The following MEIS1 variants were observed in gnomAD, a reference collection of about 807,000 sequenced individuals.
MEIS1 encodes homeobox protein Meis1.
In MEIS1, 5 loss-of-function variants were observed where a neutral mutation model predicts 50.8. The ratio of observed to expected loss-of-function variants is 0.10; its 90% CI spans 0.05 to 0.21. The LOEUF (loss-of-function observed/expected upper bound fraction) is 0.21. MEIS1 is among the 10% of genes least tolerant of loss of function. The pLI is 1.00. For synonymous variants in MEIS1, 176 were observed against 179.3 expected (o/e 0.98, Z 0.15); for missense variants, 318 against 517.3 (o/e 0.61, Z 3.74).
chr2:66,456,991 C>T (rs1201230530), intron 6 of MEIS1, among the ~76,000 whole-genome samples: 2 of 152,072 alleles, frequency 1.3e-5, no homozygotes, highest in Non-Finnish European at 2.9e-5. Flanking sequence ...GAATCCACAG[C>T]ACGTGTGCAC....
intron 1 of MEIS1, chr2:66,436,839 A>T: frequency 1.0e-6 from 1 of 972,898 alleles, no homozygotes; most frequent in Non-Finnish European, 1.2e-6. Flanking sequence ...TAAATTTCAC[A>T]CACACAAAAT....
chr2:66,474,422 G>T (rs771545322), intron 7 of MEIS1, among the ~76,000 whole-genome samples: 7 of 152,094 alleles, frequency 4.6e-5, no homozygotes, highest in South Asian at 4.1e-4. Flanking sequence ...GATTCTACCT[G>T]CCCTGGGCTG....
chr2:66,571,138 C>T (rs1364264111), intron 12 of MEIS1, 108 bp from the exon 13 acceptor site: 5 of 1,094,202 alleles, frequency 4.6e-6, no homozygotes, highest in Non-Finnish European at 6.5e-6. Context: ...AACCATGTTC[C>T]CTTAATCACA....
chr2:66,510,605 G>T (rs1016957671), intron 7 of MEIS1, among the ~76,000 whole-genome samples: 10 of 151,970 alleles, frequency 6.6e-5, no homozygotes, highest in African/African-American at 2.4e-4. Context: ...AGCATATTCT[G>T]TAATAATAGT....
intron 6 of MEIS1, among the ~76,000 whole-genome samples, chr2:66,460,287 A>T (rs1019993889): frequency 4.6e-5 from 7 of 152,204 alleles, no homozygotes; most frequent in African/African-American, 1.7e-4. Flanking sequence ...ATTCTCACTC[A>T]TGGAGGAGTC....
At chr2:66,461,768 C>G in intron 6 of MEIS1, 2 of 429,114 alleles carry the variant, frequency 4.7e-6, no homozygotes, top group South Asian at 3.6e-5. Flanking sequence ...AGGCCCAACA[C>G]AATGAAAATG....
rs1672740079 is a variant in MEIS1, at chr2:66,470,502, T to A, written c.742+6282T>A. ...TTTCCTTTTATTGACTCATCAAATG[T>A]GAGTAACAGTGTTCTGGTTTCCACC... On this transcript the variant is annotated intron_variant, in intron 7 of 12. Transcript: ENST00000272369. 2.6e-5 allele frequency among the ~76,000 whole-genome samples: 4 copies of A among 152,306 alleles called. No homozygotes were observed. The South Asian group carries it at 8.3e-4, about 32-fold the overall frequency.
intron 7 of MEIS1, among the ~76,000 whole-genome samples, chr2:66,502,374 T>A (rs775461555): frequency 1.3e-5 from 2 of 152,104 alleles, no homozygotes; most frequent in Non-Finnish European, 2.9e-5. Context: ...AAAAAACAAA[T>A]CCCAATAGGA....
intron 7 of MEIS1, among the ~76,000 whole-genome samples, chr2:66,489,272 C>T (rs1324995622): frequency 2.0e-5 from 3 of 152,156 alleles, no homozygotes; most frequent in Non-Finnish European, 2.9e-5. Context: ...TAGAAAAATA[C>T]GCCTTAGTTG....
chr2:66,449,481 T>A (rs1340839433), intron 6 of MEIS1, among the ~76,000 whole-genome samples: 1 of 152,130 alleles, frequency 6.6e-6, no homozygotes, highest in African/African-American at 2.4e-5. Context: ...CTTCACTGTA[T>A]CTTTAATTTA....
intron 7 of MEIS1, among the ~76,000 whole-genome samples, chr2:66,481,850 C>CTTTTTTTTTTTTTTTTTTTTTTTTT (rs996753363): frequency 3.3e-5 from 3 of 90,178 alleles, no homozygotes; most frequent in Non-Finnish European, 6.6e-5. Context: ...TCTGATATTT[C>CTTTTTTTTTTTTTTTTTTTTTTTTT]TTTTTTTTTT....
In MEIS1 at chr2:66,539,851, C is replaced by G. The variant is rs542388081; in HGVS notation, c.889-8092C>G. 6.6e-5 allele frequency among the ~76,000 whole-genome samples: 10 copies of G among 152,318 alleles called. No individual in the cohort carries two copies. In the South Asian group the frequency reaches 2.1e-3, roughly 32 times the overall value. ...CCTCCCCTCCCCTTCTGCCTGCCTCCCAGGCAGAAGCAGTGGATATTCAGG... is the reference window on the plus strand; with the variant it reads ...CCTCCCCTCCCCTTCTGCCTGCCTCGCAGGCAGAAGCAGTGGATATTCAGG... On this transcript the variant is annotated intron_variant, in intron 8 of 12. Coordinates refer to ENST00000272369, the MANE Select transcript of MEIS1 (RefSeq NM_002398.3).
At chr2:66,557,787 C>T (rs1001725492) in intron 9 of MEIS1, among the ~76,000 whole-genome samples, 1 of 152,114 alleles carries the variant, frequency 6.6e-6, no homozygotes, top group Non-Finnish European at 1.5e-5. Context: ...GCAACAAAGA[C>T]CTGTCTTAGG....
chr2:66,459,604 TG>T (rs1387050333), intron 6 of MEIS1, among the ~76,000 whole-genome samples: 5 of 152,074 alleles, frequency 3.3e-5, no homozygotes, highest in African/African-American at 1.2e-4. Flanking sequence ...ACAGCAGTCA[TG>T]AATATGGAAT....
At chr2:66,482,118 C>G (rs1673031833) in intron 7 of MEIS1, among the ~76,000 whole-genome samples, 1 of 152,058 alleles carries the variant, frequency 6.6e-6, no homozygotes, top group African/African-American at 2.4e-5. Context: ...CGTCGGCCTC[C>G]CAAAGTGGTG....
intron 8 of MEIS1, among the ~76,000 whole-genome samples, chr2:66,523,866 A>G (rs957692438): frequency 1.3e-5 from 2 of 152,204 alleles, no homozygotes; most frequent in African/African-American, 4.8e-5. Flanking sequence ...GGCAGACCTT[A>G]TTTGGTAGCC....
rs908395672 is a variant in MEIS1 at position 66,442,800 on chromosome 2, A to G, written c.484-102A>G. 6 of 1,126,466 alleles carry G rather than the reference A, an allele frequency of 5.3e-6. No homozygotes were observed. The East Asian group carries it at 8.2e-5, about 15-fold the overall frequency. 69.8% of individuals were successfully genotyped at this position (1,126,466 alleles called of 1,614,324 possible). A position where few individuals can be genotyped will look rare whatever the true frequency, so the allele number is the denominator to read the frequency against. On this transcript the variant is annotated intron_variant, in intron 5 of 12. Transcript: ENST00000272369. ...AGGACAATTGCCCTGTGTTTCCCCT[A>G]TTTGGAAGTTTGGATCTCACAAGGG...
At chr2:66,446,261 GA>G (rs1672142749) in intron 6 of MEIS1, among the ~76,000 whole-genome samples, 1 of 152,242 alleles carries the variant, frequency 6.6e-6, no homozygotes, top group South Asian at 2.1e-4. Flanking sequence ...GTTAGGCGAG[GA>G]GAGGCCTGGC....
intron 9 of MEIS1, among the ~76,000 whole-genome samples, chr2:66,558,315 A>G (rs1675126747): frequency 6.6e-6 from 1 of 151,310 alleles, no homozygotes; most frequent in African/African-American, 2.4e-5. Context: ...GAAAAAAAGA[A>G]AAGAAAAAGA....
Sources: allele counts gnomAD v4.1 joint callset (sites outside exome capture counted in the v4.1 genomes callset), GRCh38; gene constraint gnomAD v4.1.1; transcripts MANE v1.5; gene names NCBI Gene and HGNC (gene_info 2026-07-23, HGNC 2026-07-21).